TMTC2: variants seen among roughly 807,000 people sequenced by gnomAD.
TMTC2 encodes protein O-mannosyl-transferase TMTC2.
In TMTC2, 43 loss-of-function variants were observed where a neutral mutation model predicts 82.4. The observed-to-expected ratio is 0.52, with a 90% CI of 0.41 to 0.67. TMTC2 has a LOEUF of 0.67. Among genes scored for constraint, TMTC2 ranks in the 30% least tolerant of loss-of-function variants. The pLI, the probability that TMTC2 is intolerant of heterozygous loss-of-function variation, is 0.00. For synonymous variants in TMTC2, 408 were observed against 381.9 expected (o/e 1.07, Z -0.80); for missense variants, 919 against 1,012.4 (o/e 0.91, Z 1.25).
intron 11 of TMTC2, among the ~76,000 whole-genome samples, chr12:83,128,725 T>C (rs889393813): frequency 1.3e-5 from 2 of 152,182 alleles, no homozygotes; most frequent in African/African-American, 4.8e-5. Flanking sequence ...GGGATGCTGA[T>C]GCAACTCCCT....
At chr12:83,041,013 A>T (rs1172457508) in intron 9 of TMTC2, among the ~76,000 whole-genome samples, 1 of 152,190 alleles carries the variant, frequency 6.6e-6, no homozygotes, top group Non-Finnish European at 1.5e-5. Flanking sequence ...AAAAATGAAT[A>T]AAGAAGGGAA....
At chr12:82,847,054 C>T (rs1266143949) in intron 1 of TMTC2, among the ~76,000 whole-genome samples, 1 of 152,120 alleles carries the variant, frequency 6.6e-6, no homozygotes, top group East Asian at 1.9e-4. Context: ...ATCTGAAATA[C>T]AGTGCTCATC....
At chr12:83,059,644 C>A (rs1441254889) in intron 10 of TMTC2, among the ~76,000 whole-genome samples, 5 of 151,612 alleles carry the variant, frequency 3.3e-5, no homozygotes, top group African/African-American at 1.2e-4. Context: ...TAGATATTTC[C>A]TTTGAGAACT....
At position 82,882,469 on chromosome 12, in the gene TMTC2, C is replaced by T. The variant is rs116999644; in HGVS notation, c.655-13349C>T. ...ACTAACCATAACTCGATCTGTTACTCTGATGTATCTGAAAATTTATAATGG... is the reference window on the plus strand; with the variant it reads ...ACTAACCATAACTCGATCTGTTACTTTGATGTATCTGAAAATTTATAATGG... On this transcript the variant is annotated intron_variant, in intron 2 of 11. Transcript: ENST00000321196. Among the ~76,000 whole-genome samples the T allele has an allele frequency of 2.9e-3, 434 of 152,120 alleles. 4 individuals carry two copies. The highest frequency in any genetic ancestry group is 4.5e-3 in the Admixed American group (69 of 15,290).
At chr12:82,966,828 T>G in intron 6 of TMTC2, 91 bp from the exon 7 acceptor site, 1 of 943,126 alleles carries the variant, frequency 1.1e-6, no homozygotes, top group South Asian at 1.7e-5. Context: ...GTGGATGGTT[T>G]TAACTTTGGA....
intron 2 of TMTC2, among the ~76,000 whole-genome samples, chr12:82,867,603 G>A (rs759928655): frequency 2.0e-5 from 3 of 152,186 alleles, no homozygotes; most frequent in Middle Eastern, 3.4e-3. Context: ...TGCAATATCA[G>A]TTGTGGATAT....
chr12:82,716,079 C>G (rs1243418686), intron 1 of TMTC2, among the ~76,000 whole-genome samples: 1 of 152,118 alleles, frequency 6.6e-6, no homozygotes, highest in African/African-American at 2.4e-5. Context: ...AACTTGGTGT[C>G]TAAATTGTTT....
intron 11 of TMTC2, among the ~76,000 whole-genome samples, chr12:83,068,473 T>C (rs952769428): frequency 2.0e-5 from 3 of 152,062 alleles, no homozygotes; most frequent in Non-Finnish European, 4.4e-5. Context: ...TTAAACCACA[T>C]TTCTGCTTGT....
intron 8 of TMTC2, among the ~76,000 whole-genome samples, chr12:82,989,934 C>T (rs1483961300): frequency 6.6e-6 from 1 of 152,036 alleles, no homozygotes. Context: ...AGTGCCAAAA[C>T]CCCACAACCA....
chr12:83,018,035 T>TAG (rs373567472), intron 8 of TMTC2, among the ~76,000 whole-genome samples: 1 of 141,832 alleles, frequency 7.1e-6, no homozygotes, highest in Non-Finnish European at 1.5e-5. Context: ...TATATATATA[T>TAG]TGTGTGTGTG....
chr12:82,974,453 T>C (rs1039164675), intron 7 of TMTC2, among the ~76,000 whole-genome samples: 1 of 152,172 alleles, frequency 6.6e-6, no homozygotes, highest in Non-Finnish European at 1.5e-5. Flanking sequence ...TTAGATGAAA[T>C]AGACATAGTC....
intron 1 of TMTC2, among the ~76,000 whole-genome samples, chr12:82,843,823 C>G (rs569335313): frequency 8.5e-5 from 13 of 152,236 alleles, no homozygotes; most frequent in Non-Finnish European, 1.6e-4. Context: ...TGGCAGGCGC[C>G]TGCAGTGCCA....
At position 82,826,936 on chromosome 12, in the gene TMTC2, G is replaced by T. The variant is rs1869453509; in HGVS notation, c.84-30074G>T. Among the ~76,000 whole-genome samples the T allele has an allele frequency of 2.0e-5, 3 of 152,104 alleles. No individual in the cohort carries two copies. The South Asian group carries it at 6.2e-4, about 32-fold the overall frequency. ...CAACACATTAAATCATAAATTTTAT[G>T]TATCTATTTTTTAAAGCTTGAGTAC... On this transcript the variant is annotated intron_variant, in intron 1 of 11. Transcript: ENST00000321196.
intron 11 of TMTC2, among the ~76,000 whole-genome samples, chr12:83,086,172 G>A (rs1213533876): frequency 2.0e-5 from 3 of 152,040 alleles, no homozygotes; most frequent in African/African-American, 4.8e-5. Flanking sequence ...AGGGTTGCAC[G>A]GTGGCCGGGC....
intron 1 of TMTC2, among the ~76,000 whole-genome samples, chr12:82,693,922 C>G (rs757940203): frequency 1.4e-5 from 2 of 146,226 alleles, no homozygotes; most frequent in Non-Finnish European, 3.0e-5. Context: ...GAGCCAAGAT[C>G]GCGCCACCAT....
intron 11 of TMTC2, among the ~76,000 whole-genome samples, chr12:83,065,792 G>T (rs902512129): frequency 1.3e-5 from 2 of 151,808 alleles, no homozygotes; most frequent in African/African-American, 4.8e-5. Context: ...TCTTCCTGTG[G>T]GAATTAAGCC....
intron 11 of TMTC2, among the ~76,000 whole-genome samples, chr12:83,126,288 A>G (rs1392176583): frequency 2.0e-5 from 3 of 152,084 alleles, no homozygotes; most frequent in Non-Finnish European, 4.4e-5. Flanking sequence ...TCAGGATTGT[A>G]GTTTTCTCCT....
At chr12:82,728,172 G>C (rs185780997) in intron 1 of TMTC2, among the ~76,000 whole-genome samples, 140 of 152,026 alleles carry the variant, frequency 9.2e-4, no homozygotes, top group Non-Finnish European at 1.5e-3. Context: ...CTGCTTACTT[G>C]GTTAGGTAGG....
intron 4 of TMTC2, among the ~76,000 whole-genome samples, chr12:82,933,195 G>A (rs910585819): frequency 6.6e-6 from 1 of 152,042 alleles, no homozygotes; most frequent in Non-Finnish European, 1.5e-5. Context: ...AGAAATATTG[G>A]CAATGATTGG....
Sources: gnomAD v4.1 joint callset for allele counts (sites outside exome capture counted in the v4.1 genomes callset) on GRCh38, gnomAD v4.1.1 for gene constraint, MANE v1.5 for transcripts, NCBI Gene and HGNC (gene_info 2026-07-23, HGNC 2026-07-21) for gene names.